Variants in ROBO1 observed in about 807,000 individuals in gnomAD.
The protein encoded by ROBO1 is roundabout homolog 1.
A neutral mutation model predicts 195.9 loss-of-function variants in ROBO1; 149 were observed. The ratio of observed to expected loss-of-function variants is 0.76; its 90% confidence interval spans 0.67 to 0.87. ROBO1 has a LOEUF of 0.87. Among genes scored for constraint, ROBO1 ranks in the 40% least tolerant of loss-of-function variants. ROBO1 has a pLI of 0.00. For synonymous variants in ROBO1, 816 were observed against 733.2 expected, an observed-to-expected ratio of 1.11 and a Z score of -1.82; for missense variants, 1,933 against 2,068.3, an observed-to-expected ratio of 0.93 and a Z score of 1.27.
At chr3:79,123,108 A>G (rs1179377974) in intron 3 of ROBO1, among the ~76,000 whole-genome samples, 1 of 151,972 alleles carries the variant, frequency 6.6e-6, no homozygotes, top group Non-Finnish European at 1.5e-5. Context: ...TAAGTTGCTT[A>G]ATATGTATAT....
chr3:78,945,131 C>A (rs2040356463), intron 3 of ROBO1, among the ~76,000 whole-genome samples: 1 of 152,186 alleles, frequency 6.6e-6, no homozygotes. Flanking sequence ...GTAACCTCTG[C>A]AGATTTAAAT....
At chr3:78,716,687 C>G (rs761982162) in intron 7 of ROBO1, among the ~76,000 whole-genome samples, 4 of 152,274 alleles carry the variant, frequency 2.6e-5, no homozygotes, top group Admixed American at 2.0e-4. Context: ...AACACCTAGA[C>G]AGAAGGCTCA....
chr3:78,881,707 G>A (rs552173762), intron 4 of ROBO1, among the ~76,000 whole-genome samples: 6 of 152,196 alleles, frequency 3.9e-5, no homozygotes, highest in East Asian at 3.9e-4. Context: ...CATCAGGCCC[G>A]TGGCCTGATA....
At chr3:79,260,319 C>G (rs1031538915) in intron 2 of ROBO1, among the ~76,000 whole-genome samples, 4 of 151,920 alleles carry the variant, frequency 2.6e-5, no homozygotes, top group African/African-American at 9.7e-5. Context: ...CTCAGAATCA[C>G]TCTCCTAAGA....
chr3:78,749,938 T>G (rs2082747037), intron 4 of ROBO1, among the ~76,000 whole-genome samples: 1 of 152,184 alleles, frequency 6.6e-6, no homozygotes, highest in African/African-American at 2.4e-5. Context: ...GTAGCATGCA[T>G]AGTGTATCCA....
intron 2 of ROBO1, among the ~76,000 whole-genome samples, chr3:79,302,749 C>A (rs1225102598): frequency 6.6e-6 from 1 of 151,654 alleles, no homozygotes; most frequent in Non-Finnish European, 1.5e-5. Flanking sequence ...GGAAATTAAC[C>A]TTTCAGAAAA....
At chr3:79,019,995 T>C (rs1193670248) in intron 3 of ROBO1, among the ~76,000 whole-genome samples, 1 of 152,202 alleles carries the variant, frequency 6.6e-6, no homozygotes, top group Non-Finnish European at 1.5e-5. Context: ...GAAGGTCTTG[T>C]AGAAAAGATA....
chr3:79,392,629 G>T (rs1210021670), intron 2 of ROBO1, among the ~76,000 whole-genome samples: 1 of 152,110 alleles, frequency 6.6e-6, no homozygotes, highest in Admixed American at 6.5e-5. Flanking sequence ...TGTGCAGCAT[G>T]ACTAAGTAAA....
chr3:79,252,748 T>C (rs924479866), intron 2 of ROBO1, among the ~76,000 whole-genome samples: 7 of 152,194 alleles, frequency 4.6e-5, no homozygotes, highest in Non-Finnish European at 1.0e-4. Flanking sequence ...ATTCTACTCA[T>C]ATAATAAATA....
At chr3:79,099,671 A>C (rs946155639) in intron 3 of ROBO1, among the ~76,000 whole-genome samples, 4 of 151,960 alleles carry the variant, frequency 2.6e-5, no homozygotes, top group African/African-American at 7.2e-5. Flanking sequence ...TAAAAATAAG[A>C]ATTCACAATT....
chr3:79,652,051 C>T (rs1440645645), intron 1 of ROBO1, among the ~76,000 whole-genome samples: 1 of 152,116 alleles, frequency 6.6e-6, no homozygotes, highest in Non-Finnish European at 1.5e-5. Flanking sequence ...GTCAGTGGAA[C>T]TGAAGCCCTC....
chr3:78,782,623 T>C (rs191125735), intron 4 of ROBO1, among the ~76,000 whole-genome samples: 1 of 152,326 alleles, frequency 6.6e-6, no homozygotes, highest in African/African-American at 2.4e-5. Context: ...CAAAATTCAC[T>C]AGTTCCCTGT....
intron 1 of ROBO1, among the ~76,000 whole-genome samples, chr3:79,668,452 A>G (rs1040265798): frequency 1.3e-5 from 2 of 151,184 alleles, no homozygotes; most frequent in African/African-American, 4.8e-5. Flanking sequence ...AAGAATAAAT[A>G]TGGAAAGATT....
intron 1 of ROBO1, among the ~76,000 whole-genome samples, chr3:79,646,980 C>G (rs187719501): frequency 1.3e-5 from 2 of 151,900 alleles, no homozygotes; most frequent in East Asian, 3.9e-4. Context: ...AGAAATAAGA[C>G]CTGGTGTTAG....
At chr3:79,747,752 C>T (rs1296545089) in intron 1 of ROBO1, among the ~76,000 whole-genome samples, 1 of 151,836 alleles carries the variant, frequency 6.6e-6, no homozygotes, top group Non-Finnish European at 1.5e-5. Flanking sequence ...AAGAAATATA[C>T]TGGACAAATA....
chr3:79,101,950 A>G (rs1189344543), intron 3 of ROBO1, among the ~76,000 whole-genome samples: 1 of 151,840 alleles, frequency 6.6e-6, no homozygotes, highest in African/African-American at 2.4e-5. Flanking sequence ...CAGCTCACAC[A>G]GTTTTCATTT....
At chr3:78,839,757 C>T (rs2033046230) in intron 4 of ROBO1, among the ~76,000 whole-genome samples, 1 of 152,044 alleles carries the variant, frequency 6.6e-6, no homozygotes, top group Non-Finnish European at 1.5e-5. Flanking sequence ...TTTCCTGAAC[C>T]ACTTCAGTTT....
chr3:78,976,622 C>A (rs544093733), intron 3 of ROBO1, among the ~76,000 whole-genome samples: 1 of 152,306 alleles, frequency 6.6e-6, no homozygotes, highest in African/African-American at 2.4e-5. Context: ...TCTACAGCAG[C>A]ATTTGCCCAA....
At chr3:79,464,082 G>C (rs1237914738) in intron 2 of ROBO1, among the ~76,000 whole-genome samples, 1 of 152,144 alleles carries the variant, frequency 6.6e-6, no homozygotes, top group Admixed American at 6.5e-5. Context: ...TATTTTCAAG[G>C]TTCTTCCATG....
Sources: gnomAD v4.1 joint callset for allele counts (sites outside exome capture counted in the v4.1 genomes callset) on GRCh38, gnomAD v4.1.1 for gene constraint, MANE v1.5 for transcripts, NCBI Gene and HGNC (gene_info 2026-07-23, HGNC 2026-07-21) for gene names.